Variants in PACRGL observed in about 807,000 individuals in gnomAD.
PACRGL encodes parkin coregulated like.
PACRGL carries 38 observed loss-of-function variants against 34.5 expected under a neutral mutation model. That is an observed-to-expected ratio of 1.10 (90% CI 0.85 to 1.44). PACRGL has a LOEUF of 1.44. Ranked by LOEUF, PACRGL falls within the 40% of genes most tolerant of loss-of-function variation. The pLI is 0.00. For missense variants in PACRGL, 305 were observed against 281.4 expected, an observed-to-expected ratio of 1.08 and a Z score of -0.60; for synonymous variants, 128 against 100.1, an observed-to-expected ratio of 1.28 and a Z score of -1.66.
At chr4:20,744,308 A>G (rs1263769812) in intron 8 of PACRGL, among the ~76,000 whole-genome samples, 1 of 152,222 alleles carries the variant, frequency 6.6e-6, no homozygotes, top group East Asian at 1.9e-4. Flanking sequence ...ACACATGCAC[A>G]TGTATGTTTA....
At chr4:20,724,923 T>C in intron 8 of PACRGL, 35 bp downstream of exon 8, 2 of 1,292,122 alleles carry the variant, frequency 1.5e-6, no homozygotes, top group South Asian at 1.7e-5. Context: ...TCTTTTTTTT[T>C]AACTTTTAGG....
intron 7 of PACRGL, among the ~76,000 whole-genome samples, chr4:20,723,253 TCA>T (rs1267058849): frequency 1.3e-5 from 2 of 152,124 alleles, no homozygotes; most frequent in Non-Finnish European, 2.9e-5. Context: ...TACAGGAATT[TCA>T]CACTAGTATA....
chr4:20,702,176 A>T, intron 1 of PACRGL: 2 of 456,678 alleles, frequency 4.4e-6, no homozygotes, highest in Non-Finnish European at 8.8e-6. Context: ...GTGAAGGAAG[A>T]TAGAAATTTA....
the PACRGL span, among the ~76,000 whole-genome samples, chr4:20,765,732 C>A: frequency 6.6e-6 from 1 of 152,136 alleles, no homozygotes; most frequent in Non-Finnish European, 1.5e-5. Flanking sequence ...GCCTGTGAAA[C>A]CCTTCACTGT....
At chr4:20,754,765 A>T (rs1252317302), downstream of PACRGL, among the ~76,000 whole-genome samples, 1 of 152,182 alleles carries the variant, frequency 6.6e-6, no homozygotes, top group Non-Finnish European at 1.5e-5. Context: ...CTGTTTAAGA[A>T]GATGTTCTCT....
chr4:20,697,076 G>T (rs1731274045), upstream of PACRGL, among the ~76,000 whole-genome samples: 1 of 152,078 alleles, frequency 6.6e-6, no homozygotes, highest in African/African-American at 2.4e-5. Flanking sequence ...TACCTTATAT[G>T]CTCACTCATG....
chr4:20,710,835 G>A (rs1296801013), intron 5 of PACRGL, among the ~76,000 whole-genome samples: 1 of 152,062 alleles, frequency 6.6e-6, no homozygotes, highest in East Asian at 1.9e-4. Context: ...TTATTGCCGA[G>A]TATTACAAGC....
At chr4:20,764,939 C>A in the PACRGL span, among the ~76,000 whole-genome samples, 35 of 152,112 alleles carry the variant, frequency 2.3e-4, no homozygotes, top group Non-Finnish European at 4.4e-5. Context: ...TTATGCAGAC[C>A]ATTACTTTTA....
intron 1 of PACRGL, chr4:20,702,279 A>C (rs1395537078): frequency 6.6e-6 from 3 of 453,506 alleles, no homozygotes; most frequent in African/African-American, 6.0e-5. Flanking sequence ...TGCCCTTGTT[A>C]TGTTTGTGGG....
At chr4:20,756,967 T>C (rs557328237), downstream of PACRGL, among the ~76,000 whole-genome samples, 2 of 152,238 alleles carry the variant, frequency 1.3e-5, no homozygotes, top group East Asian at 3.9e-4. Context: ...TCTTGATTAA[T>C]AATTCTCAAA....
At chr4:20,766,064 G>T in the PACRGL span, among the ~76,000 whole-genome samples, 1 of 152,090 alleles carries the variant, frequency 6.6e-6, no homozygotes. Flanking sequence ...TGATACTGAT[G>T]ATATTAAGCT....
At chr4:20,699,819 A>G (rs150434020), upstream of PACRGL, among the ~76,000 whole-genome samples, 35 of 152,344 alleles carry the variant, frequency 2.3e-4, no homozygotes, top group Admixed American at 5.9e-4. Flanking sequence ...TATGATGTGG[A>G]GCATAAAATC....
intron 8 of PACRGL, among the ~76,000 whole-genome samples, chr4:20,748,727 A>G (rs1752972592): frequency 6.7e-6 from 1 of 149,952 alleles, no homozygotes; most frequent in African/African-American, 2.4e-5. Flanking sequence ...TAAATGAGGT[A>G]TACATTTCTC....
intron 3 of PACRGL, among the ~76,000 whole-genome samples, chr4:20,705,527 A>T (rs1003387420): frequency 2.0e-5 from 3 of 152,114 alleles, no homozygotes; most frequent in African/African-American, 7.2e-5. Flanking sequence ...GCAAAGTGAC[A>T]AATAGTTTGA....
chr4:20,709,071 G>A (rs1483585536), intron 4 of PACRGL, among the ~76,000 whole-genome samples: 8 of 152,128 alleles, frequency 5.3e-5, no homozygotes, highest in African/African-American at 1.7e-4. Flanking sequence ...CCTGGGAGGC[G>A]GAGGTTGCGG....
At chr4:20,726,138 A>C (rs1409505975) in intron 8 of PACRGL, among the ~76,000 whole-genome samples, 1 of 152,094 alleles carries the variant, frequency 6.6e-6, no homozygotes. Flanking sequence ...GGACAGGCCA[A>C]GCATGTTAGA....
Position 20,730,301 on chromosome 4 carries a change from C to T in PACRGL, c.*2960C>T, listed in dbSNP as rs891490886. Reference sequence around the variant, plus strand: ...GCCATTCTATTCTATCCATTTTCCACATAGATGACTATGAAGGACCCATTT... The same window carrying T: ...GCCATTCTATTCTATCCATTTTCCATATAGATGACTATGAAGGACCCATTT... On this transcript the variant is annotated 3_prime_UTR_variant, in exon 9 of 9. Coordinates refer to ENST00000503585, the MANE Select transcript of PACRGL (RefSeq NM_001258345.3). 1.3e-5 allele frequency among the ~76,000 whole-genome samples: 2 copies of T among 152,206 alleles called. No homozygotes were observed. The highest frequency in any genetic ancestry group is 4.8e-5 in the African/African-American group (2 of 41,446).
At chr4:20,742,591 A>C (rs982976870) in intron 8 of PACRGL, among the ~76,000 whole-genome samples, 1 of 152,170 alleles carries the variant, frequency 6.6e-6, no homozygotes, top group African/African-American at 2.4e-5. Context: ...ATTTATGGCA[A>C]ACCCACAGCC....
chr4:20,714,872 C>T (rs1739073482), intron 7 of PACRGL, among the ~76,000 whole-genome samples: 1 of 152,112 alleles, frequency 6.6e-6, no homozygotes, highest in Admixed American at 6.6e-5. Context: ...GTGGCGATTC[C>T]TCAGGGATCT....
Sources: allele counts gnomAD v4.1 joint callset (sites outside exome capture counted in the v4.1 genomes callset), GRCh38; gene constraint gnomAD v4.1.1; transcripts MANE v1.5; gene names NCBI Gene and HGNC (gene_info 2026-07-23, HGNC 2026-07-21).